Variants in ATXN7 observed in about 807,000 individuals in gnomAD.
ATXN7 encodes ataxin 7, also known as ataxin-7.
ATXN7 carries 12 observed loss-of-function variants against 70.5 expected under a neutral mutation model. The ratio of observed to expected loss-of-function variants is 0.17; its 90% confidence interval spans 0.11 to 0.28. ATXN7 has a LOEUF of 0.28. Ranked by LOEUF, ATXN7 falls within the 10% of genes least tolerant of loss-of-function variation. ATXN7 has a pLI of 1.00. For missense variants in ATXN7, 1,256 were observed against 1,131.7 expected (o/e 1.11, Z -1.58); for synonymous variants, 498 against 448.7 (o/e 1.11, Z -1.39).
At position 63,996,140 on chromosome 3, in the gene ATXN7, A is replaced by G; in HGVS notation, c.2318A>G (p.Asp773Gly). Residue 773 changes from aspartate (D) to glycine (G), a missense_variant, in exon 12 of 13, where the codon GAC becomes GGC. Transcript: ENST00000674280. ...GCAAATGCGGTGAACGTCCGGCATG[A>G]CCAGTCAGGGAGGGGCCCCCCCACC... is the stretch of plus-strand genomic sequence containing the variant. The part of the protein sequence containing the change: ...NKANAVNVRH[D>G]QSGRGPPTGS... The G allele has an allele frequency of 6.2e-7, 1 of 1,614,182 alleles. No individual in the cohort carries two copies. Among genetic ancestry groups the G allele is most frequent in the Non-Finnish European group, 8.5e-7 (1 of 1,180,042 alleles).
chr3:63,998,200 A>AG (rs143795156), intron 12 of ATXN7: 18,823 of 545,020 alleles, frequency 0.035, 147 homozygotes, highest in African/African-American at 0.14. Context: ...AAAGGACAGA[A>AG]GGGGGGGGGG....
intron 1 of ATXN7, among the ~76,000 whole-genome samples, chr3:63,885,736 G>T (rs1014768683): frequency 2.0e-5 from 3 of 152,134 alleles, no homozygotes; most frequent in Non-Finnish European, 4.4e-5. Flanking sequence ...TGATATTTAG[G>T]CCAGGCACAG....
intron 4 of ATXN7, among the ~76,000 whole-genome samples, chr3:63,945,370 A>G (rs1239627690): frequency 6.6e-6 from 1 of 152,230 alleles, no homozygotes; most frequent in Non-Finnish European, 1.5e-5. Flanking sequence ...GAATTTGTCA[A>G]CATGCAGATT....
chr3:63,964,073 AACACACACACAC>A (rs10557844), intron 5 of ATXN7, among the ~76,000 whole-genome samples: 187 of 147,178 alleles, frequency 1.3e-3, no homozygotes, highest in African/African-American at 4.2e-3. Context: ...TAGACACATA[AACACACACACAC>A]ACACACACAC....
chr3:63,869,943 T>C (rs1702546842), intron 1 of ATXN7, among the ~76,000 whole-genome samples: 1 of 152,174 alleles, frequency 6.6e-6, no homozygotes, highest in South Asian at 2.1e-4. Flanking sequence ...TATCAAAATC[T>C]TGGATATGTC....
intron 4 of ATXN7, among the ~76,000 whole-genome samples, chr3:63,943,386 T>C (rs1436551788): frequency 6.6e-6 from 1 of 152,170 alleles, no homozygotes; most frequent in Non-Finnish European, 1.5e-5. Context: ...TGATGACATT[T>C]ATGATTTAAA....
At chr3:63,884,467 A>AGT (rs1703020471) in intron 1 of ATXN7, among the ~76,000 whole-genome samples, 2 of 152,148 alleles carry the variant, frequency 1.3e-5, no homozygotes, top group Non-Finnish European at 2.9e-5. Context: ...ACATATAAAC[A>AGT]AATAATATGT....
chr3:63,866,885 T>G (rs1261168228), intron 1 of ATXN7: 2 of 152,102 alleles, frequency 1.3e-5, no homozygotes, highest in East Asian at 1.9e-4. Flanking sequence ...GTAGCAGATT[T>G]TAAGAAAACT....
chr3:63,908,376 A>G (rs1002894501), intron 2 of ATXN7, among the ~76,000 whole-genome samples: 2 of 152,238 alleles, frequency 1.3e-5, no homozygotes, highest in African/African-American at 4.8e-5. Context: ...GAAAGGGGAA[A>G]GATGTAGTCA....
chr3:63,998,930 TG>T (rs2075802814), intron 12 of ATXN7: 1 of 157,548 alleles, frequency 6.3e-6, no homozygotes, highest in African/African-American at 2.4e-5. Context: ...ATGATGGGGT[TG>T]GGTAGGCACC....
At chr3:63,913,529 C>T (rs1038422066) in intron 4 of ATXN7, among the ~76,000 whole-genome samples, 1 of 152,194 alleles carries the variant, frequency 6.6e-6, no homozygotes, top group Non-Finnish European at 1.5e-5. Context: ...TACGGAGAAA[C>T]AGGAGTAGAG....
intron 1 of ATXN7, among the ~76,000 whole-genome samples, chr3:63,867,374 T>G (rs1294323343): frequency 6.6e-6 from 1 of 152,194 alleles, no homozygotes; most frequent in Non-Finnish European, 1.5e-5. Context: ...GGTCTCACTT[T>G]GTTGCCCAGT....
At chr3:63,893,905 G>A (rs560917571) in intron 1 of ATXN7, among the ~76,000 whole-genome samples, 1 of 152,318 alleles carries the variant, frequency 6.6e-6, no homozygotes, top group South Asian at 2.1e-4. Context: ...GAGAGTGAAA[G>A]CAAGGTGGAA....
intron 1 of ATXN7, among the ~76,000 whole-genome samples, chr3:63,874,688 T>C (rs1036227049): frequency 5.3e-5 from 8 of 152,220 alleles, no homozygotes; most frequent in Admixed American, 5.2e-4. Flanking sequence ...AGTGGTTTAC[T>C]AACTGCAGAA....
chr3:63,986,682 G>T (rs1371733387), intron 8 of ATXN7, among the ~76,000 whole-genome samples: 2 of 152,084 alleles, frequency 1.3e-5, no homozygotes, highest in Non-Finnish European at 2.9e-5. Context: ...CCATATTAAA[G>T]AAAATCAAGT....
intron 4 of ATXN7, among the ~76,000 whole-genome samples, chr3:63,951,279 A>G (rs1446002067): frequency 6.6e-6 from 1 of 151,998 alleles, no homozygotes; most frequent in African/African-American, 2.4e-5. Context: ...TATTTTAGAG[A>G]TTATCCTCAC....
At chr3:63,988,477 A>G in intron 9 of ATXN7, 153 bp downstream of exon 9, 1 of 1,081,572 alleles carries the variant, frequency 9.2e-7, no homozygotes, top group Non-Finnish European at 1.3e-6. Flanking sequence ...AAAAAAAAGG[A>G]AAGGTTGAGT....
At chr3:63,880,462 T>G (rs990171267) in intron 1 of ATXN7, among the ~76,000 whole-genome samples, 8 of 152,330 alleles carry the variant, frequency 5.3e-5, no homozygotes, top group Admixed American at 4.6e-4. Flanking sequence ...GCAGCCAGTC[T>G]TTTGGTGCCT....
At position 63,980,053 on chromosome 3, in the gene ATXN7, G is replaced by T. The variant is rs749425252; in HGVS notation, c.638G>T (p.Ser213Ile). ...CGTTCTTCCAGTGGAGGTGTTCTTAGCGCATCCTCATCAAGTTCCAAGTTG... is the reference window on the plus strand; with the variant it reads ...CGTTCTTCCAGTGGAGGTGTTCTTATCGCATCCTCATCAAGTTCCAAGTTG... Reference protein sequence around the residue: ...SNRSSSGGVLSASSSSSKLLK... With the variant: ...SNRSSSGGVLIASSSSSKLLK... Residue 213 changes from serine (S) to isoleucine (I), a missense_variant, in exon 6 of 13, where the codon AGC (serine) becomes ATC (isoleucine). Ser to Ile is a moderately radical substitution (Grantham distance 142). Coordinates refer to ENST00000674280, the MANE Select transcript of ATXN7 (RefSeq NM_001377405.1). 6.2e-7 allele frequency: 1 copy of T among 1,614,192 alleles called. No individual in the cohort carries two copies. Among genetic ancestry groups the T allele is most frequent in the East Asian group, 2.2e-5 (1 of 44,876 alleles).
Sources: allele counts gnomAD v4.1 joint callset (sites outside exome capture counted in the v4.1 genomes callset), GRCh38; gene constraint gnomAD v4.1.1; transcripts MANE v1.5; gene names NCBI Gene and HGNC (gene_info 2026-07-23, HGNC 2026-07-21).